Variants in GPM6A observed in about 807,000 individuals in gnomAD.
GPM6A encodes glycoprotein M6A, also known as neuronal membrane glycoprotein M6-a.
GPM6A carries 7 observed loss-of-function variants against 32.1 expected under a neutral mutation model. That is an observed-to-expected ratio of 0.22 (90% CI 0.12 to 0.41). The LOEUF (loss-of-function observed/expected upper bound fraction) is 0.41. Among genes scored for constraint, GPM6A ranks in the 10% least tolerant of loss-of-function variants. The pLI, the probability that GPM6A is intolerant of heterozygous loss-of-function variation, is 1.00. For synonymous variants in GPM6A, 130 were observed against 123.4 expected, an observed-to-expected ratio of 1.05 and a Z score of -0.35; for missense variants, 235 against 347.2, an observed-to-expected ratio of 0.68 and a Z score of 2.57.
At chr4:175,955,676 T>C (rs1392096174) in intron 1 of GPM6A, among the ~76,000 whole-genome samples, 1 of 152,176 alleles carries the variant, frequency 6.6e-6, no homozygotes, top group African/African-American at 2.4e-5. Context: ...TAATCAGTAA[T>C]AAGGAATAAC....
At position 175,744,404 on chromosome 4, in the gene GPM6A, T is replaced by C. The variant is rs868866951; in HGVS notation, c.38-42637A>G. ...AGTCATAAATGCATAAATTTTAAAA[T>C]AAGAAAGACTACAAGTCGATGATCT... is the stretch of plus-strand genomic sequence containing the variant. On this transcript the variant is annotated intron_variant, in intron 1 of 6. Transcript: ENST00000393658. Among the ~76,000 whole-genome samples the C allele has an allele frequency of 7.2e-5, 11 of 151,882 alleles. No individual in the cohort carries two copies. The South Asian group carries it at 1.5e-3, about 20-fold the overall frequency.
At chr4:175,808,872 A>G (rs1311931264) in intron 1 of GPM6A, 2 of 152,268 alleles carry the variant, frequency 1.3e-5, no homozygotes, top group African/African-American at 4.8e-5. Flanking sequence ...AATTAAAGCC[A>G]TCAGGGTTTT....
At chr4:175,747,237 T>C (rs2111179557) in intron 1 of GPM6A, among the ~76,000 whole-genome samples, 1 of 132,642 alleles carries the variant, frequency 7.5e-6, no homozygotes, top group African/African-American at 3.0e-5. Context: ...GTCACTACAC[T>C]CCAGCTTGGT....
intron 1 of GPM6A, chr4:176,002,188 G>A: frequency 2.7e-6 from 3 of 1,110,832 alleles, no homozygotes; most frequent in Middle Eastern, 2.0e-4. Context: ...CGCCAGGCGC[G>A]GGGGGAACAG....
At chr4:175,902,104 T>G (rs1000211784) in intron 1 of GPM6A, among the ~76,000 whole-genome samples, 2 of 152,070 alleles carry the variant, frequency 1.3e-5, no homozygotes, top group Non-Finnish European at 2.9e-5. Flanking sequence ...CAAAAGTCCA[T>G]CAGCAAAAGG....
intron 1 of GPM6A, among the ~76,000 whole-genome samples, chr4:175,715,108 T>G (rs915164356): frequency 2.0e-5 from 3 of 152,168 alleles, no homozygotes; most frequent in Non-Finnish European, 4.4e-5. Context: ...TCATTTTCTC[T>G]GTAATAAATG....
At position 175,899,140 on chromosome 4, in the gene GPM6A, T is replaced by C. The variant is rs1737879716; in HGVS notation, c.-22-86891A>G. Among the ~76,000 whole-genome samples, 3 of 152,152 alleles carry C rather than the reference T, an allele frequency of 2.0e-5. No individual in the cohort carries two copies. The South Asian group carries it at 6.2e-4, about 31-fold the overall frequency. On this transcript the variant is annotated intron_variant, in intron 1 of 7. Transcript: ENST00000280187. ...GAATTATTTGCTTCTTCCTCTCCCC[T>C]CTATTGCACAGAATTCATGTTTCTA...
chr4:175,905,869 G>A (rs577827135), intron 1 of GPM6A, among the ~76,000 whole-genome samples: 1 of 152,084 alleles, frequency 6.6e-6, no homozygotes, highest in South Asian at 2.1e-4. Flanking sequence ...GAAAAAAAGA[G>A]CATTTTTGTA....
chr4:175,773,940 C>T (rs936372878), intron 1 of GPM6A, among the ~76,000 whole-genome samples: 6 of 152,116 alleles, frequency 3.9e-5, no homozygotes, highest in Non-Finnish European at 8.8e-5. Context: ...AAAAATACAT[C>T]CTTCCAAATA....
chr4:175,960,832 C>T (rs1386296092), intron 1 of GPM6A: 1 of 152,128 alleles, frequency 6.6e-6, no homozygotes, highest in African/African-American at 2.4e-5. Context: ...TGACTAATCC[C>T]ACAACATGCC....
intron 1 of GPM6A, among the ~76,000 whole-genome samples, chr4:175,743,394 T>C (rs1731969321): frequency 6.6e-6 from 1 of 151,630 alleles, no homozygotes; most frequent in Non-Finnish European, 1.5e-5. Context: ...GAACATTTTA[T>C]AAAGGAATTA....
intron 1 of GPM6A, among the ~76,000 whole-genome samples, chr4:175,720,487 C>G (rs1376412930): frequency 2.0e-5 from 3 of 152,100 alleles, no homozygotes; most frequent in Non-Finnish European, 2.9e-5. Context: ...TTTATTATTT[C>G]TAGAATATGC....
At chr4:175,745,283 T>C (rs73006346) in intron 1 of GPM6A, among the ~76,000 whole-genome samples, 2 of 152,200 alleles carry the variant, frequency 1.3e-5, no homozygotes, top group African/African-American at 4.8e-5. Context: ...CCTGAGAATA[T>C]TATTCAGCAG....
intron 3 of GPM6A, among the ~76,000 whole-genome samples, chr4:175,666,979 T>C (rs1742788387): frequency 1.3e-5 from 2 of 152,216 alleles, no homozygotes; most frequent in Non-Finnish European, 2.9e-5. Flanking sequence ...TCATACGTTA[T>C]GGAGATATTT....
At chr4:175,921,728 C>A (rs1225591897) in intron 1 of GPM6A, among the ~76,000 whole-genome samples, 1 of 152,128 alleles carries the variant, frequency 6.6e-6, no homozygotes, top group Admixed American at 6.5e-5. Context: ...AAATCCTGAC[C>A]ATGAGCCATC....
chr4:175,965,894 G>T (rs1740318947), intron 1 of GPM6A, among the ~76,000 whole-genome samples: 1 of 152,082 alleles, frequency 6.6e-6, no homozygotes, highest in East Asian at 1.9e-4. Context: ...TTACAGGCGT[G>T]AGCCACCACG....
At chr4:175,911,907 G>T (rs1432329352) in intron 1 of GPM6A, among the ~76,000 whole-genome samples, 1 of 152,142 alleles carries the variant, frequency 6.6e-6, no homozygotes, top group African/African-American at 2.4e-5. Flanking sequence ...GCAGGAAACG[G>T]AGTGACAAAG....
intron 1 of GPM6A, among the ~76,000 whole-genome samples, chr4:175,967,906 A>G (rs1018703318): frequency 3.9e-5 from 6 of 152,180 alleles, no homozygotes; most frequent in African/African-American, 1.4e-4. Context: ...TCAAGTTATC[A>G]ATAAATTGAT....
chr4:175,920,970 C>T (rs1738645965), intron 1 of GPM6A, among the ~76,000 whole-genome samples: 1 of 152,050 alleles, frequency 6.6e-6, no homozygotes, highest in South Asian at 2.1e-4. Flanking sequence ...AAAGCATATG[C>T]TTCTACAATA....
Sources: gnomAD v4.1 joint callset for allele counts (sites outside exome capture counted in the v4.1 genomes callset) on GRCh38, gnomAD v4.1.1 for gene constraint, MANE v1.5 for transcripts, NCBI Gene and HGNC (gene_info 2026-07-23, HGNC 2026-07-21) for gene names.